AMOTL1: variants seen among roughly 807,000 people sequenced by gnomAD.
The protein encoded by AMOTL1 is angiomotin like 1, also known as angiomotin-like protein 1.
A neutral mutation model predicts 102.9 loss-of-function variants in AMOTL1; 45 were observed. That is an observed-to-expected ratio of 0.44 (90% confidence interval 0.34 to 0.56). The LOEUF (loss-of-function observed/expected upper bound fraction) is 0.56, where lower values mean the gene tolerates loss of function less well. Ranked by LOEUF, AMOTL1 falls within the 20% of genes least tolerant of loss-of-function variation. The pLI, the probability that AMOTL1 is intolerant of heterozygous loss-of-function variation, is 0.01. For missense variants in AMOTL1, 1,114 were observed against 1,225.6 expected (o/e 0.91, Z 1.36); for synonymous variants, 481 against 484.7 (o/e 0.99, Z 0.10).
chr11:94,839,755 C>T (rs905409416), intron 6 of AMOTL1, among the ~76,000 whole-genome samples: 3 of 152,090 alleles, frequency 2.0e-5, no homozygotes, highest in Non-Finnish European at 1.5e-5. Context: ...TCAATTTTGT[C>T]GGCTCTGGGA....
chr11:94,849,187 C>A (rs953852496), intron 6 of AMOTL1, among the ~76,000 whole-genome samples: 10 of 151,998 alleles, frequency 6.6e-5, no homozygotes, highest in African/African-American at 2.4e-4. Flanking sequence ...CACTAGTATT[C>A]TCTTATTTAA....
intron 11 of AMOTL1, chr11:94,866,606 G>A (rs559175106): frequency 1.1e-5 from 2 of 189,530 alleles, no homozygotes; most frequent in African/African-American, 4.8e-5. Flanking sequence ...GGGATAATGG[G>A]GGGAGGAGAG....
chr11:94,791,559 G>A (rs1019736024), intron 1 of AMOTL1, among the ~76,000 whole-genome samples: 13 of 152,172 alleles, frequency 8.5e-5, no homozygotes, highest in African/African-American at 2.9e-4. Flanking sequence ...GCCCCTACAG[G>A]CAGCTACACT....
At chr11:94,725,072 T>C (rs1339006190) in intron 1 of AMOTL1, among the ~76,000 whole-genome samples, 1 of 152,026 alleles carries the variant, frequency 6.6e-6, no homozygotes, top group Non-Finnish European at 1.5e-5. Flanking sequence ...CTAGAAGTGG[T>C]GGTTAGAAGT....
At chr11:94,712,516 A>G (rs575140982) in intron 1 of AMOTL1, among the ~76,000 whole-genome samples, 1 of 152,106 alleles carries the variant, frequency 6.6e-6, no homozygotes, top group Non-Finnish European at 1.5e-5. Context: ...GCTTCTGTGC[A>G]ACAAAAGAAA....
At chr11:94,825,793 C>G (rs1045924805) in intron 4 of AMOTL1, among the ~76,000 whole-genome samples, 7 of 152,144 alleles carry the variant, frequency 4.6e-5, no homozygotes, top group Non-Finnish European at 7.4e-5. Context: ...AGTGTACAGT[C>G]AGAAATAAAA....
At chr11:94,854,779 A>C (rs927485267) in intron 8 of AMOTL1, among the ~76,000 whole-genome samples, 2 of 152,162 alleles carry the variant, frequency 1.3e-5, no homozygotes, top group African/African-American at 2.4e-5. Context: ...GGGAAGAGCC[A>C]ATAAGGGGGT....
intron 11 of AMOTL1, among the ~76,000 whole-genome samples, chr11:94,868,444 C>T (rs972204787): frequency 2.0e-5 from 3 of 152,312 alleles, no homozygotes; most frequent in Admixed American, 6.5e-5. Flanking sequence ...CCACGCCTCC[C>T]ATTTCCATAG....
At position 94,799,903 on chromosome 11, in the gene AMOTL1, G is replaced by T; in HGVS notation, c.713G>T (p.Arg238Leu). 6.2e-7 allele frequency: 1 copy of T among 1,606,596 alleles called. No homozygotes were observed. The highest frequency in any genetic ancestry group is 1.3e-5 in the African/African-American group (1 of 74,990). The change falls in exon 3 of 13, where the codon CGT becomes CTT. Residue 238 changes from arginine to leucine, a missense_variant. Arg to Leu is a moderately radical substitution (Grantham distance 102). Transcript: ENST00000433060. The surrounding 1 kb of genome is among the most constrained non-coding windows in gnomAD (Gnocchi z 4.5). ...ACTGAGGGGAGGCCCACTGTGAACC[G>T]TGCCAACAGTGGACAGGCGCATAAG... ...SRTEGRPTVN[R>L]ANSGQAHKDE...
intron 1 of AMOTL1, among the ~76,000 whole-genome samples, chr11:94,721,588 A>G (rs1950175339): frequency 6.6e-6 from 1 of 152,134 alleles, no homozygotes. Flanking sequence ...CTGTCTTTCC[A>G]CTACATGAGG....
intron 1 of AMOTL1, among the ~76,000 whole-genome samples, chr11:94,772,463 A>G (rs1238707493): frequency 6.6e-6 from 1 of 152,218 alleles, no homozygotes; most frequent in Non-Finnish European, 1.5e-5. Context: ...TTACATAAAT[A>G]CAATCATGTA....
intron 4 of AMOTL1, among the ~76,000 whole-genome samples, chr11:94,824,781 C>T (rs771685817): frequency 2.0e-4 from 31 of 152,196 alleles, no homozygotes; most frequent in Non-Finnish European, 4.1e-4. Flanking sequence ...GATATGACCC[C>T]GCTATGCCCA....
At chr11:94,869,668 T>C (rs537532534) in intron 12 of AMOTL1, among the ~76,000 whole-genome samples, 195 bp downstream of exon 12, 1 of 152,332 alleles carries the variant, frequency 6.6e-6, no homozygotes, top group Admixed American at 6.5e-5. Context: ...ACATCTAGTT[T>C]ATTACTATTT....
At chr11:94,707,944 T>A (rs1949957516) in intron 1 of AMOTL1, among the ~76,000 whole-genome samples, 1 of 152,170 alleles carries the variant, frequency 6.6e-6, no homozygotes, top group Non-Finnish European at 1.5e-5. Flanking sequence ...CATCTGGGCC[T>A]CCTCTCTCCA....
chr11:94,869,390 C>A lies in AMOTL1; in HGVS notation c.2681C>A (p.Pro894His). The change falls in exon 12 of 13, where the codon CCC becomes CAC. Residue 894 changes from proline (P) to histidine (H), a missense_variant. By Grantham distance (77) the Pro-to-His change is moderately conservative. Transcript: ENST00000433060. ...ELFWPSMASLPSRGRLSTTPA... is the reference protein window; with the variant it reads ...ELFWPSMASLHSRGRLSTTPA... ...TTCTGGCCCAGCATGGCCTCCCTTC[C>A]CAGCCGCGGCCGGCTGAGCACGACC... 6.2e-7 allele frequency: 1 copy of A among 1,605,908 alleles called. No homozygotes were observed. The highest frequency in any genetic ancestry group is 8.5e-7 in the Non-Finnish European group (1 of 1,176,528).
At chr11:94,710,304 G>A (rs1950003299) in intron 1 of AMOTL1, among the ~76,000 whole-genome samples, 1 of 152,206 alleles carries the variant, frequency 6.6e-6, no homozygotes, top group African/African-American at 2.4e-5. Context: ...ACAGGCTTTG[G>A]TGAAGACACA....
chr11:94,853,301 A>C, intron 7 of AMOTL1, among the ~76,000 whole-genome samples: 1 of 147,792 alleles, frequency 6.8e-6, no homozygotes, highest in East Asian at 2.0e-4. Flanking sequence ...CCCTCCCCTC[A>C]CCCCCGGCCC....
At chr11:94,837,599 C>G (rs1027102641) in intron 6 of AMOTL1, among the ~76,000 whole-genome samples, 1 of 152,208 alleles carries the variant, frequency 6.6e-6, no homozygotes, top group Non-Finnish European at 1.5e-5. Flanking sequence ...ACCAGAAGTG[C>G]GCACAGCCTG....
intron 7 of AMOTL1, 114 bp downstream of exon 7, chr11:94,850,373 G>A (rs1160470518): frequency 1.5e-6 from 2 of 1,334,326 alleles, no homozygotes; most frequent in Non-Finnish European, 2.0e-6. Context: ...AAGGAGTTGA[G>A]ACAGGGGAGG....
Sources: gnomAD v4.1 joint callset for allele counts (sites outside exome capture counted in the v4.1 genomes callset) on GRCh38, gnomAD v4.1.1 for gene constraint, Gnocchi (gnomAD v3.1) non-coding constraint, MANE v1.5 for transcripts, NCBI Gene and HGNC (gene_info 2026-07-23, HGNC 2026-07-21) for gene names.